The following RSPH3 variants were observed in gnomAD, a reference collection of about 807,000 sequenced individuals.
RSPH3 encodes radial spoke head protein 3 homolog.
RSPH3 carries 21 observed loss-of-function variants against 43.8 expected under a neutral mutation model. The ratio of observed to expected loss-of-function variants is 0.48; its 90% CI spans 0.34 to 0.69. RSPH3 has a LOEUF of 0.69. Ranked by LOEUF, RSPH3 falls within the 30% of genes least tolerant of loss-of-function variation. The pLI is 0.01. For synonymous variants in RSPH3, 173 were observed against 179.8 expected (o/e 0.96, Z 0.30); for missense variants, 487 against 516.0 (o/e 0.94, Z 0.54).
chr6:158,967,694 C>T, the RSPH3 span, among the ~76,000 whole-genome samples: 2 of 152,050 alleles, frequency 1.3e-5, no homozygotes, highest in African/African-American at 4.8e-5. Context: ...ATATCTATTG[C>T]TTTGAGTTGT....
chr6:158,987,242 T>TG (rs1778264469), intron 2 of RSPH3, among the ~76,000 whole-genome samples: 1 of 152,234 alleles, frequency 6.6e-6, no homozygotes. Context: ...GTGTTTCTTT[T>TG]TACAGTCTTT....
At position 158,977,689 on chromosome 6, in the gene RSPH3, C is replaced by T. The variant is rs150432556; in HGVS notation, c.1106G>A (p.Arg369Gln). 88 of 1,614,130 alleles carry T rather than the reference C, an allele frequency of 5.5e-5. No homozygotes were observed. The African/African-American group carries it at 9.7e-4, about 18-fold the overall frequency. Residue 369 changes from arginine (R) to glutamine (Q), a missense_variant, in exon 8 of 8, where the codon CGG (arginine) becomes CAG (glutamine). Coordinates refer to ENST00000367069, the MANE Select transcript of RSPH3 (RefSeq NM_031924.8). ...EFLEQSMSQT[R>Q]ELLLDGGYLQ... ...GTAGCCTCCATCTAAAAGCAGCTCC[C>T]GTGTCTGTGACATGCTCTGCTCCAG...
At chr6:158,993,785 C>G in intron 2 of RSPH3, 54 bp downstream of exon 2, 1 of 942,350 alleles carries the variant, frequency 1.1e-6, no homozygotes, top group Non-Finnish European at 1.7e-6. Context: ...GAAACTGATC[C>G]TTCCCCATAG....
At chr6:158,970,582 G>A (rs1449799884), downstream of RSPH3, among the ~76,000 whole-genome samples, 1 of 151,366 alleles carries the variant, frequency 6.6e-6, no homozygotes, top group African/African-American at 2.4e-5. Flanking sequence ...GTCTCACTCT[G>A]TCACCTGGGC....
chr6:158,971,711 C>T (rs1176566349), downstream of RSPH3, among the ~76,000 whole-genome samples: 1 of 152,184 alleles, frequency 6.6e-6, no homozygotes, highest in Admixed American at 6.5e-5. Flanking sequence ...ACTGCAAAGT[C>T]TGTTGACTTC....
At position 158,977,573 on chromosome 6, in the gene RSPH3, T is replaced by C; in HGVS notation, c.1222A>G (p.Met408Val). 4 of 1,613,606 alleles carry C rather than the reference T, an allele frequency of 2.5e-6. No individual in the cohort carries two copies. Among genetic ancestry groups the C allele is most frequent in the Admixed American group, 1.7e-5 (1 of 59,954 alleles). ...ELLGQDEETA[M>V]RKSLGEEELS is the part of the protein sequence containing the mutation. ...TCTTCCTCCCCTAAGGACTTCCTCA[T>C]TGCTGTTTCTTCATCTTGCCCTAAG... The change falls in exon 8 of 8, where the codon ATG becomes GTG. Residue 408 changes from methionine to valine, a missense_variant. By Grantham distance (21) the Met-to-Val change is conservative. Coordinates refer to ENST00000367069, the MANE Select transcript of RSPH3 (RefSeq NM_031924.8).
In RSPH3 at chr6:158,976,398, C is replaced by T. The variant is rs113207634; in HGVS notation, c.*1140G>A. 6 of 152,204 alleles carry T rather than the reference C, an allele frequency of 3.9e-5. No homozygotes were observed. Among genetic ancestry groups the T allele is most frequent in the African/African-American group, 1.4e-4 (6 of 41,516 alleles). The allele number at this position is 152,204 out of a possible 1,614,324, so 9.4% of individuals were successfully genotyped here. On this transcript the variant is annotated 3_prime_UTR_variant, in exon 8 of 8. Transcript: ENST00000367069. ...CAGTCATAATATGTAATACCTTAAC[C>T]ATATTTTGACAAGATAAGAGATTGA... is the stretch of plus-strand genomic sequence containing the variant.
chr6:158,999,901 C>T lies in RSPH3; in HGVS notation c.-351G>A, dbSNP rs371164829. 1.9e-5 allele frequency: 30 copies of T among 1,613,024 alleles called. No individual in the cohort carries two copies. The highest frequency in any genetic ancestry group is 1.6e-4 in the Middle Eastern group (1 of 6,084). The stretch of plus-strand genomic sequence containing the variant: ...TCCGGCTCTTGACTCCGCCCAGCCG[C>T]GCCACCCAGGTAGGTGCGCCTGCGC... On this transcript the variant is annotated 5_prime_UTR_variant, in exon 1 of 8. Coordinates refer to ENST00000367069, the MANE Select transcript of RSPH3 (RefSeq NM_031924.8).
chr6:158,999,350 T>A (rs773257195), intron 1 of RSPH3, 85 bp downstream of exon 1: 35 of 1,302,216 alleles, frequency 2.7e-5, no homozygotes, highest in Middle Eastern at 2.8e-4. Flanking sequence ...CATAAGCAGC[T>A]TTTTTGCCAG....
intron 6 of RSPH3, among the ~76,000 whole-genome samples, chr6:158,980,252 C>T (rs12208897): frequency 0.018 from 2,709 of 152,276 alleles, 33 homozygotes; most frequent in Middle Eastern, 0.024. Flanking sequence ...CATGGCGAAA[C>T]CCCGTCTCTA....
chr6:158,967,437 C>A, the RSPH3 span, among the ~76,000 whole-genome samples: 2 of 152,112 alleles, frequency 1.3e-5, no homozygotes, highest in East Asian at 3.9e-4. Flanking sequence ...TGACTTCTAA[C>A]TTAAATGTAT....
intron 3 of RSPH3, among the ~76,000 whole-genome samples, chr6:158,984,989 T>C (rs984273038): frequency 1.3e-5 from 2 of 152,208 alleles, no homozygotes; most frequent in Admixed American, 6.5e-5. Flanking sequence ...GCCTTTACCA[T>C]GCAGAAATAA....
intron 1 of RSPH3, among the ~76,000 whole-genome samples, chr6:158,998,787 GT>G (rs1778722811): frequency 1.4e-5 from 2 of 146,300 alleles, no homozygotes; most frequent in South Asian, 4.2e-4. Context: ...TCGGGGAGGA[GT>G]GGGGGAGGGG....
rs1395959335 is a variant in RSPH3, at chr6:158,982,497, G to A, written c.684C>T (p.His228=). Residue 228 remains histidine (H), a synonymous_variant, in exon 5 of 8, where the codon CAC becomes CAT. Coordinates refer to ENST00000367069, the MANE Select transcript of RSPH3 (RefSeq NM_031924.8). The part of the protein sequence containing the change: ...VQRLEEQERR[H]REEKERRKKQ... The stretch of plus-strand genomic sequence containing the variant: ...TAATTATATATACTTTTTCTTCTCG[G>A]TGTCGCCTCTCTTGCTCTTCAAGTC... 6.2e-7 allele frequency: 1 copy of A among 1,604,850 alleles called. No individual in the cohort carries two copies. Among genetic ancestry groups the A allele is most frequent in the Middle Eastern group, 1.7e-4 (1 of 5,928 alleles).
chr6:158,986,876 T>C (rs1562563525), intron 2 of RSPH3, among the ~76,000 whole-genome samples: 1 of 152,180 alleles, frequency 6.6e-6, no homozygotes. Flanking sequence ...TTTTGTGGCC[T>C]AAGATATGGT....
chr6:158,966,542 G>T, the RSPH3 span, among the ~76,000 whole-genome samples: 1 of 152,074 alleles, frequency 6.6e-6, no homozygotes, highest in African/African-American at 2.4e-5. Flanking sequence ...TTTTGAGTCA[G>T]TTTTGGTAAA....
At chr6:158,991,929 C>T (rs1235811423) in intron 2 of RSPH3, among the ~76,000 whole-genome samples, 2 of 151,956 alleles carry the variant, frequency 1.3e-5, no homozygotes, top group South Asian at 4.1e-4. Context: ...ACTTTGAATA[C>T]TCATACAACC....
chr6:158,999,078 C>G (rs1000314084), intron 1 of RSPH3, among the ~76,000 whole-genome samples: 1 of 152,230 alleles, frequency 6.6e-6, no homozygotes, highest in Admixed American at 6.5e-5. Context: ...CTTCACAGCA[C>G]TGTGGATTAA....
At chr6:158,991,474 G>C (rs759301068) in intron 2 of RSPH3, among the ~76,000 whole-genome samples, 1 of 152,202 alleles carries the variant, frequency 6.6e-6, no homozygotes. Context: ...GTGCCAGGTG[G>C]GGGTGGTAGT....
Sources: allele counts gnomAD v4.1 joint callset (sites outside exome capture counted in the v4.1 genomes callset), GRCh38; gene constraint gnomAD v4.1.1; transcripts MANE v1.5; gene names NCBI Gene and HGNC (gene_info 2026-07-23, HGNC 2026-07-21).